INCENP: variants seen among roughly 807,000 people sequenced by gnomAD.
INCENP encodes inner centromere protein.
In INCENP, 43 loss-of-function variants were observed where a neutral mutation model predicts 107.3. The observed-to-expected ratio is 0.40, with a 90% CI of 0.31 to 0.52. INCENP has a LOEUF of 0.52. Among genes scored for constraint, INCENP ranks in the 20% least tolerant of loss-of-function variants. The pLI, the probability that INCENP is intolerant of heterozygous loss-of-function variation, is 0.53. For missense variants in INCENP, 1,089 were observed against 1,250.9 expected (o/e 0.87, Z 1.95); for synonymous variants, 488 against 494.4 (o/e 0.99, Z 0.17).
At position 62,146,758 on chromosome 11, in the gene INCENP, A is replaced by AGCGGGAGCAGGAGCG. The variant is rs61056700; in HGVS notation, c.2079_2093dup (p.Arg713_Arg717dup). On this transcript the variant is annotated inframe_insertion, in exon 15 of 19. Transcript: ENST00000394818. The stretch of plus-strand genomic sequence containing the variant: ...GCCGAGGCTAAGCGGCTGGCAGAGC[A>AGCGGGAGCAGGAGCG]GCGGGAGCAGGAGCGGCGGGAGCAG... 8,452 of 1,545,796 alleles carry AGCGGGAGCAGGAGCG rather than the reference A, an allele frequency of 5.5e-3. 422 individuals carry two copies. The African/African-American group carries it at 0.1, about 19-fold the overall frequency.
At position 62,146,781 on chromosome 11, in the gene INCENP, C is replaced by T; in HGVS notation, c.2083C>T (p.Gln695Ter). Residue 695 changes from glutamine (Q) to a stop codon, truncating the protein, a stop_gained, in exon 15 of 19, where the codon CAG becomes TAG. Transcript: ENST00000394818. LOFTEE classifies it high-confidence loss of function. ...GCAGCGGGAGCAGGAGCGGCGGGAG[C>T]AGGAGCGGCGCGAGCAGGAGCGGCG... ...AEQREQERREQERREQERREQ... is the reference protein window; with the variant it reads ...AEQREQERRE The T allele has an allele frequency of 6.5e-7, 1 of 1,528,864 alleles. No individual in the cohort carries two copies. Among genetic ancestry groups the T allele is most frequent in the Non-Finnish European group, 8.8e-7 (1 of 1,134,852 alleles). The allele number at this position is 1,528,864 out of a possible 1,614,324, so 94.7% of individuals were successfully genotyped here. A position where few individuals can be genotyped will look rare whatever the true frequency, so the allele number is the denominator to read the frequency against.
chr11:62,139,057 G>A lies in INCENP; in HGVS notation c.1291+52G>A, dbSNP rs774035153. The A allele has an allele frequency of 3.8e-6, 5 of 1,314,226 alleles. No homozygotes were observed. In the East Asian group the frequency reaches 1.1e-4, roughly 30 times the overall value. 81.4% of individuals were successfully genotyped at this position (1,314,226 alleles called of 1,614,324 possible). On this transcript the variant is annotated intron_variant, in intron 7 of 18. Coordinates refer to ENST00000394818, the MANE Select transcript of INCENP (RefSeq NM_001040694.2). ...AGTGCCCGGAGCCACAGCGGGCCTTGGCGGCCTCGGCCTGACCTTCTCTCT... is the reference window on the plus strand; with the variant it reads ...AGTGCCCGGAGCCACAGCGGGCCTTAGCGGCCTCGGCCTGACCTTCTCTCT...
At position 62,150,093 on chromosome 11, in the gene INCENP, G is replaced by T; in HGVS notation, c.2428G>T (p.Gly810Trp). The stretch of plus-strand genomic sequence containing the variant: ...TACCTCATATCAGATGACTCCGCAA[G>T]GGCACAGGGCCCCTCCCAAGATCAA... The part of the protein sequence containing the change: ...ACTSYQMTPQ[G>W]HRAPPKINPD... The change falls in exon 18 of 19, where the codon GGG becomes TGG. Residue 810 changes from glycine to tryptophan, a missense_variant. Physicochemically the swap from Gly to Trp is radical, Grantham distance 184 (BLOSUM62 -2). Coordinates refer to ENST00000394818, the MANE Select transcript of INCENP (RefSeq NM_001040694.2). 1 of 1,614,050 alleles carries T rather than the reference G, an allele frequency of 6.2e-7. No homozygotes were observed. The highest frequency in any genetic ancestry group is 1.6e-4 in the Middle Eastern group (1 of 6,062).
chr11:62,141,076 G>T, intron 10 of INCENP, 32 bp downstream of exon 10: 1 of 1,599,032 alleles, frequency 6.3e-7, no homozygotes, highest in East Asian at 2.2e-5. Flanking sequence ...CGGGCTTTGT[G>T]GGAGCTGGGC....
At chr11:62,133,825 C>T (rs976673290) in intron 4 of INCENP, among the ~76,000 whole-genome samples, 1 of 152,126 alleles carries the variant, frequency 6.6e-6, no homozygotes, top group African/African-American at 2.4e-5. Flanking sequence ...ACCACCTCCC[C>T]AAACCTGGCT....
rs368190249 is a variant in INCENP at position 62,140,729 on chromosome 11, G to A, written c.1369G>A (p.Val457Met). ...GAGGAAGCGCAGCTACAAGCAGGCC[G>A]TGAGTGAGCTGGACGAGGAGCAGCA... ...ARRKRSYKQA[V>M]SELDEEQHLE... The change falls in exon 9 of 19, where the codon GTG becomes ATG. Residue 457 changes from valine to methionine, a missense_variant. Physicochemically the swap from Val to Met is conservative, Grantham distance 21. Coordinates refer to ENST00000394818, the MANE Select transcript of INCENP (RefSeq NM_001040694.2). The A allele has an allele frequency of 3.5e-5, 55 of 1,590,964 alleles. No individual in the cohort carries two copies. The East Asian group carries it at 8.9e-4, about 26-fold the overall frequency.
rs117224523 is a variant in INCENP, at chr11:62,143,324, A to G, written c.1606-1658A>G. 1.9e-3 allele frequency among the ~76,000 whole-genome samples: 282 copies of G among 152,266 alleles called. 3 individuals carry two copies. Among genetic ancestry groups the G allele is most frequent in the Non-Finnish European group, 2.8e-3 (193 of 68,024 alleles). On this transcript the variant is annotated intron_variant, in intron 11 of 18. Coordinates refer to ENST00000394818, the MANE Select transcript of INCENP (RefSeq NM_001040694.2). ...GGGATTTCTGCCTTCTCTGAGCATT[A>G]GATACTCCCTTTCTGCTGCTTGAGT...
At chr11:62,136,215 C>T (rs150633834) in intron 4 of INCENP, among the ~76,000 whole-genome samples, 2,157 of 152,288 alleles carry the variant, frequency 0.014, 25 homozygotes, top group Admixed American at 0.02. Context: ...CATTGTCAGT[C>T]GTTCTTTTAA....
At position 62,145,174 on chromosome 11, in the gene INCENP, G is replaced by A. The variant is rs746729070; in HGVS notation, c.1721G>A (p.Arg574His). The A allele has an allele frequency of 1.2e-6, 2 of 1,614,140 alleles. No individual in the cohort carries two copies. The highest frequency in any genetic ancestry group is 2.2e-5 in the East Asian group (1 of 44,874). Residue 574 changes from arginine to histidine, a missense_variant, in exon 13 of 19, where the codon CGT becomes CAT. Arg to His is a conservative substitution (Grantham distance 29). Coordinates refer to ENST00000394818, the MANE Select transcript of INCENP (RefSeq NM_001040694.2). ...GACTATCCTATGCCCCGCAGGAAGC[G>A]TGAGGAACGCCTCCGCAAGGTGCTG... ...RRRLEEVKLK[R>H]EERLRKVLQA... is the part of the protein sequence containing the mutation.
intron 5 of INCENP, 118 bp downstream of exon 5, chr11:62,138,001 C>T: frequency 2.2e-6 from 2 of 906,042 alleles, no homozygotes; most frequent in Non-Finnish European, 3.7e-6. Flanking sequence ...GCCTTGACCG[C>T]CCAGGAGCTG....
chr11:62,145,236 A>G lies in INCENP; in HGVS notation c.1783A>G (p.Lys595Glu). ...GCGGGTGGAGCAGATGAAGGAGGAG[A>G]AGAAGAAGCAGATTGAGCAGAAGTT... ...RERVEQMKEE[K>E]KKQIEQKFAQ... Residue 595 changes from lysine to glutamate, a missense_variant, in exon 13 of 19, where the codon AAG (lysine) becomes GAG (glutamate). Coordinates refer to ENST00000394818, the MANE Select transcript of INCENP (RefSeq NM_001040694.2). 6.2e-7 allele frequency: 1 copy of G among 1,614,008 alleles called. No homozygotes were observed.
chr11:62,124,903 C>T (rs1162677777), intron 1 of INCENP, among the ~76,000 whole-genome samples: 3 of 152,230 alleles, frequency 2.0e-5, no homozygotes, highest in Non-Finnish European at 4.4e-5. Flanking sequence ...ATGTCTGACT[C>T]GGGCATGGAG....
Position 62,130,449 on chromosome 11 carries a change from A to T in INCENP, c.922A>T (p.Ile308Phe). Residue 308 changes from isoleucine to phenylalanine, a missense_variant, in exon 4 of 19, where the codon ATC (isoleucine) becomes TTC (phenylalanine). By Grantham distance (21) the Ile-to-Phe change is conservative. Transcript: ENST00000394818. ...TDSQSVRHSP[I>F]APSSPSPQVL... ...CTCTCAATCGGTGCGGCACAGCCCG[A>T]TCGCCCCGTCTTCCCCGAGTCCCCA... 1 of 1,614,014 alleles carries T rather than the reference A, an allele frequency of 6.2e-7. No individual in the cohort carries two copies. Among genetic ancestry groups the T allele is most frequent in the Non-Finnish European group, 8.5e-7 (1 of 1,180,030 alleles).
chr11:62,147,394 G>T (rs1944274735), intron 15 of INCENP, among the ~76,000 whole-genome samples: 1 of 152,186 alleles, frequency 6.6e-6, no homozygotes, highest in Non-Finnish European at 1.5e-5. Context: ...GGATTTTCCA[G>T]CTGTGCAGAT....
At position 62,129,895 on chromosome 11, in the gene INCENP, G is replaced by T. The variant is rs768258892; in HGVS notation, c.368G>T (p.Arg123Leu). 1.2e-5 allele frequency: 19 copies of T among 1,613,584 alleles called. No homozygotes were observed. The highest frequency in any genetic ancestry group is 1.5e-5 in the Non-Finnish European group (18 of 1,179,978). Residue 123 changes from arginine to leucine, a missense_variant, in exon 4 of 19, where the codon CGT becomes CTT. Arg to Leu is a moderately radical substitution (Grantham distance 102). Coordinates refer to ENST00000394818, the MANE Select transcript of INCENP (RefSeq NM_001040694.2). ...GGGGAGAACGGCTCCGTCCTGCGGC[G>T]TGTGACCCGTGCTGCGGCTGCAGCT... ...VVGENGSVLR[R>L]VTRAAAAAAA... is the part of the protein sequence containing the mutation.
At chr11:62,138,602 C>T in intron 5 of INCENP, 111 bp from the exon 6 acceptor site, 2 of 987,856 alleles carry the variant, frequency 2.0e-6, no homozygotes, top group Non-Finnish European at 3.0e-6. Flanking sequence ...CTGGCCAGGG[C>T]ACCTTGTGTT....
At chr11:62,131,206 CAACTCA>C (rs1943886681) in intron 4 of INCENP, among the ~76,000 whole-genome samples, 1 of 152,158 alleles carries the variant, frequency 6.6e-6, no homozygotes, top group African/African-American at 2.4e-5. Flanking sequence ...GTCTGAGTGC[CAACTCA>C]GCCATTCACC....
At chr11:62,146,262 G>A (rs1246684307) in intron 14 of INCENP, among the ~76,000 whole-genome samples, 1 of 152,174 alleles carries the variant, frequency 6.6e-6, no homozygotes, top group Non-Finnish European at 1.5e-5. Flanking sequence ...TAGTCACCAA[G>A]GTCAGTTATT....
chr11:62,126,664 G>T (rs1943757925), intron 1 of INCENP, among the ~76,000 whole-genome samples: 1 of 152,206 alleles, frequency 6.6e-6, no homozygotes, highest in Non-Finnish European at 1.5e-5. Flanking sequence ...GAATATGGTT[G>T]TCTCTTGGAA....
Sources: allele counts gnomAD v4.1 joint callset (sites outside exome capture counted in the v4.1 genomes callset), GRCh38; gene constraint gnomAD v4.1.1; transcripts MANE v1.5; gene names NCBI Gene and HGNC (gene_info 2026-07-23, HGNC 2026-07-21).